TRAK1: variants seen among roughly 807,000 people sequenced by gnomAD.
The protein encoded by TRAK1 is trafficking kinesin protein 1.
A neutral mutation model predicts 92.1 loss-of-function variants in TRAK1; 33 were observed. The ratio of observed to expected loss-of-function variants is 0.36; its 90% CI spans 0.27 to 0.48. The LOEUF is 0.48. TRAK1 is among the 20% of genes least tolerant of loss of function. The pLI is 0.99. For missense variants in TRAK1, 1,123 were observed against 1,257.9 expected (o/e 0.89, Z 1.62); for synonymous variants, 521 against 517.3 (o/e 1.01, Z -0.10).
At chr3:42,058,795 C>T (rs769684711) in intron 1 of TRAK1, among the ~76,000 whole-genome samples, 3 of 152,050 alleles carry the variant, frequency 2.0e-5, no homozygotes, top group South Asian at 2.1e-4. Flanking sequence ...TCGTAAGATA[C>T]GCCATTGCTT....
intron 2 of TRAK1, chr3:42,160,558 G>GTTTTTT (rs11370773): frequency 1.3e-5 from 14 of 1,080,400 alleles, no homozygotes; most frequent in Non-Finnish European, 1.3e-5. Context: ...TCATAGCACT[G>GTTTTTT]TTTTGTTTTT....
intron 1 of TRAK1, among the ~76,000 whole-genome samples, chr3:42,094,990 T>G (rs1281727330): frequency 6.6e-6 from 1 of 152,198 alleles, no homozygotes; most frequent in Non-Finnish European, 1.5e-5. Context: ...TGAGGTCCAC[T>G]TCACTCACAG....
chr3:42,020,621 T>TGCG (rs1348555763), intron 1 of TRAK1, among the ~76,000 whole-genome samples: 2 of 152,226 alleles, frequency 1.3e-5, no homozygotes, highest in Non-Finnish European at 2.9e-5. Context: ...AGTGTATAAG[T>TGCG]ACTCATTTCT....
intron 15 of TRAK1, among the ~76,000 whole-genome samples, chr3:42,220,277 A>C (rs770942241): frequency 5.3e-5 from 8 of 152,162 alleles, no homozygotes; most frequent in Non-Finnish European, 8.8e-5. Context: ...CTGGAGCACC[A>C]TCTATGGGGA....
intron 14 of TRAK1, chr3:42,210,381 A>G: frequency 7.6e-7 from 1 of 1,309,970 alleles, no homozygotes; most frequent in Non-Finnish European, 9.7e-7. Context: ...GGGATCTTTA[A>G]AGTGGGAGCA....
At chr3:42,117,284 G>A (rs975513041) in intron 1 of TRAK1, among the ~76,000 whole-genome samples, 14 of 152,106 alleles carry the variant, frequency 9.2e-5, no homozygotes, top group Non-Finnish European at 1.8e-4. Context: ...GAAGTTGAGG[G>A]GGCAGAACCG....
intron 1 of TRAK1, among the ~76,000 whole-genome samples, chr3:42,122,749 A>C (rs891932627): frequency 6.6e-6 from 1 of 152,170 alleles, no homozygotes; most frequent in Non-Finnish European, 1.5e-5. Context: ...AAGAAATGTG[A>C]AAAATCTTCT....
intron 1 of TRAK1, among the ~76,000 whole-genome samples, chr3:42,057,485 G>T (rs1219160060): frequency 2.0e-5 from 3 of 152,154 alleles, no homozygotes; most frequent in Admixed American, 6.5e-5. Flanking sequence ...GCTGGAGTAG[G>T]GGTTGAGGAG....
intron 2 of TRAK1, among the ~76,000 whole-genome samples, chr3:42,143,587 G>A (rs932296116): frequency 2.0e-5 from 3 of 152,130 alleles, no homozygotes; most frequent in Non-Finnish European, 4.4e-5. Context: ...TTCTAAATGG[G>A]GCAGCCGAAG....
chr3:42,096,049 G>A (rs1408601488), intron 1 of TRAK1, among the ~76,000 whole-genome samples: 1 of 152,208 alleles, frequency 6.6e-6, no homozygotes, highest in Non-Finnish European at 1.5e-5. Flanking sequence ...AAAGCTGGGA[G>A]AAATAAATGT....
chr3:42,105,982 CA>C (rs1184207024), intron 1 of TRAK1, among the ~76,000 whole-genome samples: 1 of 152,136 alleles, frequency 6.6e-6, no homozygotes, highest in Non-Finnish European at 1.5e-5. Flanking sequence ...GAGATTTTGT[CA>C]CCACCAGGCC....
At chr3:42,030,725 TATATATATATATATATG>T (rs1702107439) in intron 1 of TRAK1, among the ~76,000 whole-genome samples, 1 of 54,856 alleles carries the variant, frequency 1.8e-5, no homozygotes, top group African/African-American at 5.7e-5. Context: ...TATATATATA[TATATATATATATATATG>T]TAACTTGTTG....
At chr3:42,220,055 G>C (rs779327267) in intron 15 of TRAK1, among the ~76,000 whole-genome samples, 2 of 152,016 alleles carry the variant, frequency 1.3e-5, no homozygotes, top group Non-Finnish European at 2.9e-5. Context: ...ACACTACCCA[G>C]GCCCTATGGC....
chr3:42,077,881 T>C (rs6801363), intron 1 of TRAK1, among the ~76,000 whole-genome samples: 67 of 152,066 alleles, frequency 4.4e-4, no homozygotes, highest in African/African-American at 1.6e-3. Context: ...GTATAGAATG[T>C]TATTGTCTGT....
chr3:42,079,749 A>G (rs1475196185), intron 1 of TRAK1, among the ~76,000 whole-genome samples: 1 of 151,860 alleles, frequency 6.6e-6, no homozygotes, highest in African/African-American at 2.4e-5. Context: ...CTAAAGTGCT[A>G]GGATTACAGG....
chr3:42,040,969 C>A (rs145165747), intron 1 of TRAK1, among the ~76,000 whole-genome samples: 1 of 152,176 alleles, frequency 6.6e-6, no homozygotes, highest in Non-Finnish European at 1.5e-5. Context: ...TGAGCCACTG[C>A]GCCCAGCCAC....
intron 1 of TRAK1, among the ~76,000 whole-genome samples, chr3:42,050,136 C>A (rs1291814741): frequency 6.7e-6 from 1 of 148,380 alleles, no homozygotes; most frequent in East Asian, 2.0e-4. Context: ...CAGTCCCCTG[C>A]TTGGCTGATG....
chr3:42,113,508 G>A (rs1309696693), intron 1 of TRAK1, among the ~76,000 whole-genome samples: 2 of 151,318 alleles, frequency 1.3e-5, no homozygotes, highest in African/African-American at 4.9e-5. Flanking sequence ...CTGCCTCCTG[G>A]GTTCAAGTGA....
intron 1 of TRAK1, among the ~76,000 whole-genome samples, chr3:42,030,372 A>T (rs868310511): frequency 8.8e-4 from 116 of 132,314 alleles, no homozygotes; most frequent in African/African-American, 2.4e-3. Context: ...TAAAAAAAAA[A>T]ATATATATAT....
Sources: gnomAD v4.1 joint callset for allele counts (sites outside exome capture counted in the v4.1 genomes callset) on GRCh38, gnomAD v4.1.1 for gene constraint, MANE v1.5 for transcripts, NCBI Gene and HGNC (gene_info 2026-07-23, HGNC 2026-07-21) for gene names.